Variants in ADAMTS9 observed in about 807,000 individuals in gnomAD.
The protein encoded by ADAMTS9 is ADAM metallopeptidase with thrombospondin type 1 motif 9, also known as A disintegrin and metalloproteinase with thrombospondin motifs 9.
In ADAMTS9, 107 loss-of-function variants were observed where a neutral mutation model predicts 257.1. The observed-to-expected ratio is 0.42, with a 90% confidence interval of 0.36 to 0.49. ADAMTS9 has a LOEUF of 0.49. ADAMTS9 is among the 20% of genes least tolerant of loss of function. The pLI is 0.03. For missense variants in ADAMTS9, 2,353 were observed against 2,469.1 expected, an observed-to-expected ratio of 0.95 and a Z score of 1.00; for synonymous variants, 982 against 880.9, an observed-to-expected ratio of 1.11 and a Z score of -2.03.
intron 29 of ADAMTS9, among the ~76,000 whole-genome samples, chr3:64,564,872 A>T (rs1295781959): frequency 2.0e-5 from 3 of 152,204 alleles, no homozygotes; most frequent in South Asian, 4.1e-4. Flanking sequence ...AAAACAAAAA[A>T]ACAGAGATAA....
intron 6 of ADAMTS9, among the ~76,000 whole-genome samples, chr3:64,655,276 A>G (rs988952158): frequency 6.6e-6 from 1 of 152,166 alleles, no homozygotes. Context: ...CTTGGTATCT[A>G]TAGGTTCGTG....
chr3:64,539,140 A>C, intron 37 of ADAMTS9, 63 bp downstream of exon 37: 1 of 1,477,532 alleles, frequency 6.8e-7, no homozygotes, highest in South Asian at 1.1e-5. Flanking sequence ...GATGCAACTG[A>C]GGATGTTCCC....
intron 22 of ADAMTS9, among the ~76,000 whole-genome samples, chr3:64,610,122 T>C (rs1311612933): frequency 6.6e-6 from 1 of 152,176 alleles, no homozygotes; most frequent in Admixed American, 6.5e-5. Context: ...TAACCCAAAA[T>C]GGATCAGTGG....
intron 19 of ADAMTS9, among the ~76,000 whole-genome samples, chr3:64,620,284 C>T (rs1375765632): frequency 6.6e-6 from 1 of 152,188 alleles, no homozygotes; most frequent in Non-Finnish European, 1.5e-5. Context: ...TAAAGCACTA[C>T]AGGCAGCCAA....
chr3:64,522,293 C>T (rs1265845135), intron 38 of ADAMTS9, 33 bp from the exon 39 acceptor site: 5 of 1,598,312 alleles, frequency 3.1e-6, no homozygotes, highest in East Asian at 4.5e-5. Context: ...AGCCTGCCTG[C>T]TTGGTTAATG....
At chr3:64,522,531 T>C (rs2082866541) in intron 38 of ADAMTS9, 2 of 291,820 alleles carry the variant, frequency 6.9e-6, no homozygotes, top group Non-Finnish European at 1.3e-5. Context: ...AAAAATTACA[T>C]TTCTTGACAC....
At chr3:64,592,450 A>G (rs1312691261) in intron 28 of ADAMTS9, 3 of 152,226 alleles carry the variant, frequency 2.0e-5, no homozygotes, top group African/African-American at 7.2e-5. Context: ...TTAGCAGTTC[A>G]TGTTTTAAAA....
chr3:64,638,243 G>C (rs1010676716), intron 12 of ADAMTS9, among the ~76,000 whole-genome samples: 3 of 151,986 alleles, frequency 2.0e-5, no homozygotes, highest in African/African-American at 4.8e-5. Context: ...GTTTTTGATG[G>C]ACTGTAACAA....
chr3:64,587,560 T>C (rs974572155), intron 28 of ADAMTS9: 6 of 151,986 alleles, frequency 3.9e-5, no homozygotes, highest in South Asian at 2.1e-4. Context: ...AAGGCAAAAA[T>C]AGAGAACATT....
intron 8 of ADAMTS9, 47 bp downstream of exon 8, chr3:64,654,306 G>A (rs749523956): frequency 7.7e-6 from 12 of 1,555,796 alleles, no homozygotes; most frequent in Admixed American, 3.6e-5. Flanking sequence ...AGGAATAAAA[G>A]GTTTAGGTCA....
intron 26 of ADAMTS9, among the ~76,000 whole-genome samples, chr3:64,598,133 G>C: frequency 6.6e-6 from 1 of 151,792 alleles, no homozygotes; most frequent in East Asian, 1.9e-4. Context: ...CAAATTATAA[G>C]TGTTTTTAAA....
chr3:64,634,750 C>A (rs1700451610), intron 12 of ADAMTS9, among the ~76,000 whole-genome samples: 1 of 152,140 alleles, frequency 6.6e-6, no homozygotes, highest in Non-Finnish European at 1.5e-5. Flanking sequence ...TCACAACTGC[C>A]CTAGGACAAC....
chr3:64,555,931 T>C (rs769575846), intron 30 of ADAMTS9, among the ~76,000 whole-genome samples: 1 of 152,148 alleles, frequency 6.6e-6, no homozygotes, highest in Non-Finnish European at 1.5e-5. Flanking sequence ...TCACAAGGGA[T>C]TGATAAACGC....
At chr3:64,648,430 C>A (rs1324721456) in intron 10 of ADAMTS9, among the ~76,000 whole-genome samples, 1 of 152,202 alleles carries the variant, frequency 6.6e-6, no homozygotes, top group African/African-American at 2.4e-5. Flanking sequence ...TAATAGACAG[C>A]ATTTAAGCTT....
chr3:64,545,716 C>T (rs2083188371), intron 32 of ADAMTS9, among the ~76,000 whole-genome samples: 1 of 152,086 alleles, frequency 6.6e-6, no homozygotes. Context: ...ATGTAACATA[C>T]CTGCACTTTG....
At chr3:64,629,272 A>G (rs1038400549) in intron 16 of ADAMTS9, among the ~76,000 whole-genome samples, 2 of 152,178 alleles carry the variant, frequency 1.3e-5, no homozygotes, top group African/African-American at 4.8e-5. Flanking sequence ...TACCAGCCAG[A>G]GTGCTCCTTT....
intron 11 of ADAMTS9, among the ~76,000 whole-genome samples, chr3:64,642,878 C>T (rs58489200): frequency 0.45 from 67,852 of 151,850 alleles, 19,803 homozygotes; most frequent in African/African-American, 0.84. Context: ...GCAGAGAGGT[C>T]TGAAGGCCAG....
chr3:64,606,448 G>A (rs1005614448), intron 23 of ADAMTS9, among the ~76,000 whole-genome samples: 6 of 152,202 alleles, frequency 3.9e-5, no homozygotes, highest in East Asian at 3.9e-4. Context: ...AGACACATAC[G>A]TACATTGTAT....
rs546555640 is a variant in ADAMTS9, at chr3:64,573,384, G to A, written c.4357-4849C>T. 2.8e-4 allele frequency among the ~76,000 whole-genome samples: 42 copies of A among 152,286 alleles called. No homozygotes were observed. In the South Asian group the frequency reaches 8.5e-3, roughly 31 times the overall value. On this transcript the variant is annotated intron_variant, in intron 28 of 39. Transcript: ENST00000498707. ...ACCACAGGACTGGCTGATAGCAGGT[G>A]AGAAATAACAAGCACTGAAAGGCCA...
Sources: allele counts gnomAD v4.1 joint callset (sites outside exome capture counted in the v4.1 genomes callset), GRCh38; gene constraint gnomAD v4.1.1; transcripts MANE v1.5; gene names NCBI Gene and HGNC (gene_info 2026-07-23, HGNC 2026-07-21).